Variants in BEND3 observed in about 807,000 individuals in gnomAD.
The protein encoded by BEND3 is BEN domain containing 3, also known as BEN domain-containing protein 3.
BEND3 carries 13 observed loss-of-function variants against 60.1 expected under a neutral mutation model. The ratio of observed to expected loss-of-function variants is 0.22; its 90% confidence interval spans 0.14 to 0.34. The LOEUF is 0.34. Ranked by LOEUF, BEND3 falls within the 10% of genes least tolerant of loss-of-function variation. The pLI is 1.00. For synonymous variants in BEND3, 497 were observed against 491.5 expected (o/e 1.01, Z -0.15); for missense variants, 896 against 1,138.1 (o/e 0.79, Z 3.06).
At position 107,069,425 on chromosome 6, in the gene BEND3, T is replaced by G. The variant is rs1554231455; in HGVS notation, c.1766A>C (p.Glu589Ala). The G allele has an allele frequency of 1.2e-6, 2 of 1,612,652 alleles. No individual in the cohort carries two copies. The highest frequency in any genetic ancestry group is 3.3e-5 in the Admixed American group (2 of 60,032). ...GCAGTTGTACTGCTTGCGCAGGTTC[T>G]CGTGCGTGAAGAGCTCGGGGAACAG... ...VHLFPELFTHENLRKQYNCSG... is the reference protein window; with the variant it reads ...VHLFPELFTHANLRKQYNCSG... The change falls in exon 4 of 4, where the codon GAG becomes GCG. Residue 589 changes from glutamate (E) to alanine (A), a missense_variant. Coordinates refer to ENST00000369042, the MANE Select transcript of BEND3 (RefSeq NM_001367314.1).
In BEND3 at chr6:107,070,478, G is replaced by C. The variant is rs782693892; in HGVS notation, c.713C>G (p.Ala238Gly). The C allele has an allele frequency of 9.9e-6, 16 of 1,613,986 alleles. 1 individual carries two copies. In the Admixed American group the frequency reaches 2.7e-4, roughly 27 times the overall value. ...GTACTCAGGGGGCGGCTGGAATTTGGCCACCATCTCAGTGGGGCTCACCTG... is the reference window on the plus strand; with the variant it reads ...GTACTCAGGGGGCGGCTGGAATTTGCCCACCATCTCAGTGGGGCTCACCTG... ...KKQVSPTEMV[A>G]KFQPPPEYQL... Residue 238 changes from alanine to glycine, a missense_variant, in exon 4 of 4, where the codon GCC becomes GGC. Physicochemically the swap from Ala to Gly is moderately conservative, Grantham distance 60. This residue lies in a region of BEND3 where 846 missense variants were observed against 1,036.7 expected (regional missense o/e 0.82). Transcript: ENST00000369042. The surrounding 1 kb of genome is among the most constrained non-coding windows in gnomAD (Gnocchi z 6.9).
chr6:107,110,953 C>A (rs35045014), intron 1 of BEND3, among the ~76,000 whole-genome samples: 62,644 of 151,576 alleles, frequency 0.41, 13,994 homozygotes, highest in Middle Eastern at 0.68. Context: ...CACTTGAGCT[C>A]AGGAGTTCGA....
intron 3 of BEND3, among the ~76,000 whole-genome samples, 155 bp downstream of exon 3, chr6:107,098,396 G>A (rs1375264477): frequency 1.3e-5 from 2 of 152,170 alleles, no homozygotes; most frequent in South Asian, 2.1e-4. Flanking sequence ...AGACACTTTC[G>A]AGAAACTGAA....
intron 3 of BEND3, among the ~76,000 whole-genome samples, chr6:107,081,700 A>C (rs1775237663): frequency 6.6e-6 from 1 of 152,016 alleles, no homozygotes. Context: ...TTCCCTAAAC[A>C]TGTCAGAGTC....
chr6:107,069,778 C>T lies in BEND3; in HGVS notation c.1413G>A (p.Gln471=). The stretch of plus-strand genomic sequence containing the variant: ...GCTCGTCGTTGATGCGCTGGGCACA[C>T]TGCTGCAGCCAGGCCTCCTCCTCCT... ...DMQEEEAWLQ[Q]CAQRINDELE... The change falls in exon 4 of 4, where the codon CAG becomes CAA. Residue 471 remains glutamine, a synonymous_variant. Coordinates refer to ENST00000369042, the MANE Select transcript of BEND3 (RefSeq NM_001367314.1). The T allele has an allele frequency of 6.2e-7, 1 of 1,613,094 alleles. No homozygotes were observed. The highest frequency in any genetic ancestry group is 8.5e-7 in the Non-Finnish European group (1 of 1,180,020).
At chr6:107,076,556 C>T (rs1029322934) in intron 3 of BEND3, among the ~76,000 whole-genome samples, 2 of 152,084 alleles carry the variant, frequency 1.3e-5, no homozygotes, top group Non-Finnish European at 2.9e-5. Context: ...CAGTGACATC[C>T]CAGGGAGTGG....
Position 107,068,151 on chromosome 6 carries a change from G to T in BEND3, c.*553C>A, listed in dbSNP as rs1475032384. 3 of 152,656 alleles carry T rather than the reference G, an allele frequency of 2.0e-5. No individual in the cohort carries two copies. Among genetic ancestry groups the T allele is most frequent in the African/African-American group, 7.2e-5 (3 of 41,424 alleles). The allele number at this position is 152,656 out of a possible 1,614,324, so 9.5% of individuals were successfully genotyped here. ...GGGCATCTTGACTCTTCCAAAATCA[G>T]ATGTAAAAAACAAGGTCAGTAAAAT... On this transcript the variant is annotated 3_prime_UTR_variant, in exon 4 of 4. Transcript: ENST00000369042. This position sits in a 1 kb window ranked among gnomAD's most constrained non-coding sequence, Gnocchi z 5.8.
rs1329867817 is a variant in BEND3, at chr6:107,066,012, G to A, written c.*2692C>T. On this transcript the variant is annotated 3_prime_UTR_variant, in exon 4 of 4. Transcript: ENST00000369042. ...AAAAACTTACAGAGAAATCAATGAA[G>A]ACTACCACCTACTGTGACTTACTAG... The A allele has an allele frequency of 1.3e-5, 2 of 148,990 alleles. No individual in the cohort carries two copies. The highest frequency in any genetic ancestry group is 3.0e-5 in the Non-Finnish European group (2 of 67,686). The allele number at this position is 148,990 out of a possible 1,614,324, so 9.2% of individuals were successfully genotyped here.
intron 3 of BEND3, among the ~76,000 whole-genome samples, chr6:107,073,141 C>T (rs1277018235): frequency 4.8e-5 from 7 of 145,562 alleles, no homozygotes; most frequent in Non-Finnish European, 8.9e-5. Context: ...TAAAGGGACT[C>T]GTAAGTGCAT....
At chr6:107,097,673 T>G (rs1189579257) in intron 3 of BEND3, among the ~76,000 whole-genome samples, 1 of 144,494 alleles carries the variant, frequency 6.9e-6, no homozygotes, top group Non-Finnish European at 1.5e-5. Context: ...GCCTGTAATC[T>G]CAGCTTCTCG....
rs1554231413 is a variant in BEND3, at chr6:107,069,258, G to A, written c.1933C>T (p.Arg645Cys). The change falls in exon 4 of 4, where the codon CGC (arginine) becomes TGC (cysteine). Residue 645 changes from arginine (R) to cysteine (C), a missense_variant. By Grantham distance (180) the Arg-to-Cys change is radical. This residue lies in a region of BEND3 where 846 missense variants were observed against 1,036.7 expected (regional missense o/e 0.82). Coordinates refer to ENST00000369042, the MANE Select transcript of BEND3 (RefSeq NM_001367314.1). Reference protein sequence around the residue: ...FVGKLDERCRRRDTEQRRSYQ... With the variant: ...FVGKLDERCRCRDTEQRRSYQ... ...GAGCGCCTTTGCTCCGTGTCCCGGC[G>A]CCGGCAGCGCTCATCCAGTTTGCCC... is the stretch of plus-strand genomic sequence containing the variant. 2 of 1,611,518 alleles carry A rather than the reference G, an allele frequency of 1.2e-6. No homozygotes were observed. The highest frequency in any genetic ancestry group is 1.1e-5 in the South Asian group (1 of 90,882).
chr6:107,065,441 T>G lies in BEND3; in HGVS notation c.*3263A>C, dbSNP rs1774805707. ...CACTTTGTGCAGGGTCTGCTATTAC[T>G]AGGATGTCAGAAAAACATTAAGGCT... On this transcript the variant is annotated 3_prime_UTR_variant, in exon 4 of 4. Transcript: ENST00000369042. 6.6e-6 allele frequency: 1 copy of G among 152,472 alleles called. No individual in the cohort carries two copies. The highest frequency in any genetic ancestry group is 1.5e-5 in the Non-Finnish European group (1 of 68,010). The allele number at this position is 152,472 out of a possible 1,614,324, so 9.4% of individuals were successfully genotyped here.
chr6:107,091,045 G>A (rs1200508943), intron 3 of BEND3, among the ~76,000 whole-genome samples: 1 of 151,894 alleles, frequency 6.6e-6, no homozygotes, highest in Non-Finnish European at 1.5e-5. Context: ...GGAAGGCAGA[G>A]GTTATAGTGA....
At chr6:107,087,224 C>T (rs1554234432) in intron 3 of BEND3, among the ~76,000 whole-genome samples, 1 of 151,836 alleles carries the variant, frequency 6.6e-6, no homozygotes, top group African/African-American at 2.4e-5. Context: ...CAGGCTGAGG[C>T]AGGAGAATTG....
chr6:107,115,478 C>T lies in BEND3; in HGVS notation c.-400G>A, dbSNP rs1427531724. Among the ~76,000 whole-genome samples, 1 of 147,076 alleles carries T rather than the reference C, an allele frequency of 6.8e-6. No individual in the cohort carries two copies. The highest frequency in any genetic ancestry group is 6.7e-5 in the Admixed American group (1 of 14,834). ...GGCGGGGAGCTCGGGCGCGCACTCC[C>T]GGGACCCAGGCGGCCCGGCGCGCTC... On this transcript the variant is annotated 5_prime_UTR_variant, in exon 1 of 4. Transcript: ENST00000369042.
At chr6:107,080,099 A>T (rs1164771265) in intron 3 of BEND3, among the ~76,000 whole-genome samples, 1 of 152,022 alleles carries the variant, frequency 6.6e-6, no homozygotes, top group Admixed American at 6.6e-5. Context: ...AAAGTGCTTC[A>T]GAAAACATTA....
intron 3 of BEND3, among the ~76,000 whole-genome samples, chr6:107,080,354 C>CAAAAAAAAAAAAAAAAAAAAAAAAAA (rs11402351): frequency 1.2e-5 from 1 of 83,270 alleles, no homozygotes; most frequent in Non-Finnish European, 2.4e-5. Flanking sequence ...GATCCCATCT[C>CAAAAAAAAAAAAAAAAAAAAAAAAAA]AAAAAAAAAA....
intron 1 of BEND3, among the ~76,000 whole-genome samples, chr6:107,101,373 C>T (rs1225750396): frequency 6.6e-6 from 1 of 152,080 alleles, no homozygotes. Context: ...TCCATGAGCA[C>T]AATCATCACT....
At chr6:107,080,828 G>A (rs1364435310) in intron 3 of BEND3, among the ~76,000 whole-genome samples, 1 of 151,946 alleles carries the variant, frequency 6.6e-6, no homozygotes, top group Non-Finnish European at 1.5e-5. Flanking sequence ...AGGTTGCAGT[G>A]AGCCGAGATC....
Sources: allele counts gnomAD v4.1 joint callset (sites outside exome capture counted in the v4.1 genomes callset), GRCh38; gene constraint gnomAD v4.1.1; regional missense constraint gnomAD v4.1.1; non-coding constraint Gnocchi (gnomAD v3.1); transcripts MANE v1.5; gene names NCBI Gene and HGNC (gene_info 2026-07-23, HGNC 2026-07-21).